HDAC9: variants seen among roughly 807,000 people sequenced by gnomAD.
HDAC9 encodes MEF-2 interacting transcription repressor (MITR) protein.
In HDAC9, 41 loss-of-function variants were observed where a neutral mutation model predicts 139.4. The observed-to-expected ratio is 0.29, with a 90% CI of 0.23 to 0.38. The LOEUF is 0.38. Ranked by LOEUF, HDAC9 falls within the 10% of genes least tolerant of loss-of-function variation. The pLI, the probability that HDAC9 is intolerant of heterozygous loss-of-function variation, is 1.00. For synonymous variants in HDAC9, 517 were observed against 476.2 expected (o/e 1.09, Z -1.12); for missense variants, 1,147 against 1,297.0 (o/e 0.88, Z 1.78).
At chr7:18,770,955 C>A (rs1355037058) in intron 16 of HDAC9, among the ~76,000 whole-genome samples, 1 of 152,110 alleles carries the variant, frequency 6.6e-6, no homozygotes, top group Non-Finnish European at 1.5e-5. Context: ...GAAAGCCCTG[C>A]AGACAGCAGA....
intron 13 of HDAC9, among the ~76,000 whole-genome samples, chr7:18,743,606 C>CA (rs35338088): frequency 0.22 from 26,180 of 116,842 alleles, 2,636 homozygotes; most frequent in East Asian, 0.45. Flanking sequence ...GACTGCGTCT[C>CA]AAAAAAAAAA....
intron 12 of HDAC9, among the ~76,000 whole-genome samples, chr7:18,702,829 T>C (rs1311819973): frequency 2.0e-5 from 3 of 152,080 alleles, no homozygotes; most frequent in African/African-American, 7.3e-5. Flanking sequence ...TGTCTTAACA[T>C]TTAGTAAGCT....
chr7:18,943,624 G>C (rs1056269473), intron 23 of HDAC9, among the ~76,000 whole-genome samples: 1 of 151,844 alleles, frequency 6.6e-6, no homozygotes, highest in Admixed American at 6.6e-5. Context: ...ATTTCTCTAA[G>C]CCATAGTAGT....
intron 12 of HDAC9, among the ~76,000 whole-genome samples, chr7:18,714,600 C>T (rs1784571807): frequency 6.6e-6 from 1 of 152,240 alleles, no homozygotes; most frequent in Admixed American, 6.5e-5. Context: ...TGACTTTCCA[C>T]ATGCTATGCT....
intron 25 of HDAC9, among the ~76,000 whole-genome samples, chr7:18,991,434 A>T (rs4721736): frequency 0.92 from 140,195 of 152,174 alleles, 64,743 homozygotes; most frequent in East Asian, 1. Flanking sequence ...AGGTCAGATC[A>T]AGACCATCCT....
chr7:18,118,309 G>A (rs1306540688), intron 1 of HDAC9, among the ~76,000 whole-genome samples: 2 of 152,154 alleles, frequency 1.3e-5, no homozygotes, highest in Non-Finnish European at 2.9e-5. Flanking sequence ...GTTCCTTGAT[G>A]GGAAATATAG....
chr7:18,658,899 C>CAAA (rs11306117), intron 11 of HDAC9, among the ~76,000 whole-genome samples: 1,928 of 118,096 alleles, frequency 0.016, 43 homozygotes, highest in African/African-American at 0.051. Flanking sequence ...AAAAAAAAAG[C>CAAA]AAAAAAAAAA....
intron 2 of HDAC9, among the ~76,000 whole-genome samples, chr7:18,202,582 C>A (rs1791212072): frequency 6.6e-6 from 1 of 152,172 alleles, no homozygotes; most frequent in South Asian, 2.1e-4. Flanking sequence ...TACAGAATTG[C>A]AGACTAGTAG....
At chr7:18,222,748 G>A (rs896327049) in intron 2 of HDAC9, among the ~76,000 whole-genome samples, 1 of 152,016 alleles carries the variant, frequency 6.6e-6, no homozygotes, top group Non-Finnish European at 1.5e-5. Context: ...GAAAATTGTT[G>A]TTGATCTATT....
chr7:18,725,607 T>C (rs916034999), intron 12 of HDAC9, among the ~76,000 whole-genome samples: 4 of 152,102 alleles, frequency 2.6e-5, no homozygotes, highest in Non-Finnish European at 4.4e-5. Context: ...ATGTCTTACA[T>C]GGGAGCTGAA....
chr7:18,279,300 T>A (rs1448584855), intron 2 of HDAC9, among the ~76,000 whole-genome samples: 1 of 152,178 alleles, frequency 6.6e-6, no homozygotes, highest in Non-Finnish European at 1.5e-5. Context: ...TTATCCTTGT[T>A]CTTACTAAAG....
chr7:18,846,687 G>A (rs1481795358), intron 21 of HDAC9, among the ~76,000 whole-genome samples: 1 of 152,112 alleles, frequency 6.6e-6, no homozygotes, highest in African/African-American at 2.4e-5. Context: ...TTGGACCTTT[G>A]AGGCTTGGGG....
intron 11 of HDAC9, among the ~76,000 whole-genome samples, chr7:18,661,012 G>C (rs1245904326): frequency 1.3e-5 from 2 of 152,174 alleles, no homozygotes; most frequent in East Asian, 3.9e-4. Flanking sequence ...TAGAGCTACT[G>C]TAAGAGATTG....
chr7:18,856,984 T>A (rs1001670952), intron 21 of HDAC9, among the ~76,000 whole-genome samples: 2 of 152,210 alleles, frequency 1.3e-5, no homozygotes, highest in African/African-American at 4.8e-5. Flanking sequence ...TCTGTTCATA[T>A]ATTCTTCTCC....
intron 6 of HDAC9, among the ~76,000 whole-genome samples, chr7:18,605,665 G>A (rs894284435): frequency 6.6e-6 from 1 of 151,884 alleles, no homozygotes; most frequent in Non-Finnish European, 1.5e-5. Context: ...TCTGAGACTG[G>A]GCCCCTGGAG....
chr7:18,325,804 A>G (rs1334777248), intron 1 of HDAC9, among the ~76,000 whole-genome samples: 1 of 152,164 alleles, frequency 6.6e-6, no homozygotes, highest in African/African-American at 2.4e-5. Context: ...GTTTAAATAC[A>G]TAAATACTTA....
upstream of HDAC9, among the ~76,000 whole-genome samples, chr7:18,494,305 T>G (rs1019910703): frequency 1.3e-5 from 2 of 152,070 alleles, no homozygotes; most frequent in African/African-American, 4.8e-5. Context: ...TTAACGTGCT[T>G]ATTTCTTCCC....
intron 14 of HDAC9, among the ~76,000 whole-genome samples, chr7:18,751,141 T>C (rs1386629342): frequency 6.6e-6 from 1 of 152,214 alleles, no homozygotes; most frequent in African/African-American, 2.4e-5. Flanking sequence ...ATTGCTTATA[T>C]ACATTACATT....
chr7:18,422,985 C>T (rs1407399561), intron 1 of HDAC9, among the ~76,000 whole-genome samples: 2 of 152,142 alleles, frequency 1.3e-5, no homozygotes, highest in African/African-American at 4.8e-5. Context: ...TTCTCTTTGG[C>T]TACACATGCA....
Sources: gnomAD v4.1 joint callset for allele counts (sites outside exome capture counted in the v4.1 genomes callset) on GRCh38, gnomAD v4.1.1 for gene constraint, MANE v1.5 for transcripts, NCBI Gene and HGNC (gene_info 2026-07-23, HGNC 2026-07-21) for gene names.